PREX2: variants seen among roughly 807,000 people sequenced by gnomAD.
PREX2 encodes the protein phosphatidylinositol 3,4,5-trisphosphate-dependent Rac exchanger 2 protein.
In PREX2, 107 loss-of-function variants were observed where a neutral mutation model predicts 203.2. The observed-to-expected ratio is 0.53, with a 90% CI of 0.45 to 0.62. The LOEUF (loss-of-function observed/expected upper bound fraction) is 0.62. Ranked by LOEUF, PREX2 falls within the 20% of genes least tolerant of loss-of-function variation. PREX2 has a pLI of 0.00. For missense variants in PREX2, 1,777 were observed against 1,955.9 expected (o/e 0.91, Z 1.72); for synonymous variants, 672 against 663.6 (o/e 1.01, Z -0.19).
Position 68,204,744 on chromosome 8 carries a change from G to A in PREX2, c.4604+12219G>A, listed in dbSNP as rs571938284. On this transcript the variant is annotated intron_variant, in intron 37 of 39. Transcript: ENST00000288368. Reference sequence around the variant, plus strand: ...CTGTTGCCCAGGCTAGAGTGCAATGGCGTGATCTCGGCTCACTGCAAGCTC... The same window carrying A: ...CTGTTGCCCAGGCTAGAGTGCAATGACGTGATCTCGGCTCACTGCAAGCTC... Among the ~76,000 whole-genome samples the A allele has an allele frequency of 4.3e-5, 6 of 140,744 alleles. 1 individual carries two copies. In the South Asian group the frequency reaches 1.3e-3, roughly 32 times the overall value. The allele number at this position is 140,744 out of a possible 152,430, so 92.3% of individuals were successfully genotyped here.
intron 1 of PREX2, among the ~76,000 whole-genome samples, chr8:67,981,594 A>G (rs1050715372): frequency 2.0e-5 from 3 of 152,186 alleles, no homozygotes; most frequent in African/African-American, 7.2e-5. Context: ...TCTAAGTGAC[A>G]AGTTCGCTGT....
chr8:67,998,425 C>G (rs1196075478), intron 1 of PREX2, among the ~76,000 whole-genome samples: 1 of 152,174 alleles, frequency 6.6e-6, no homozygotes, highest in African/African-American at 2.4e-5. Flanking sequence ...TACATGTAAG[C>G]TTGGCTTATA....
chr8:68,136,573 T>A lies in PREX2; in HGVS notation c.3985-1842T>A, dbSNP rs1051876937. On this transcript the variant is annotated intron_variant, in intron 32 of 39. Coordinates refer to ENST00000288368, the MANE Select transcript of PREX2 (RefSeq NM_024870.4). ...CCACACTGTCTGGAACATTTCTTGC[T>A]TTGTGAATTTCTGTCTACCGGAAAA... Among the ~76,000 whole-genome samples, 4 of 152,350 alleles carry A rather than the reference T, an allele frequency of 2.6e-5. No homozygotes were observed. In the East Asian group the frequency reaches 5.8e-4, roughly 22 times the overall value.
chr8:68,193,740 G>C (rs1488637485), intron 37 of PREX2, among the ~76,000 whole-genome samples: 2 of 152,186 alleles, frequency 1.3e-5, no homozygotes, highest in Non-Finnish European at 2.9e-5. Flanking sequence ...TTAGATATGG[G>C]AACTCTTCAT....
intron 37 of PREX2, among the ~76,000 whole-genome samples, chr8:68,208,653 T>C (rs1173548551): frequency 6.6e-6 from 1 of 152,186 alleles, no homozygotes; most frequent in Non-Finnish European, 1.5e-5. Flanking sequence ...CAGAATCATT[T>C]ACATTCTTCC....
At chr8:68,142,039 C>T (rs1361373743) in intron 33 of PREX2, among the ~76,000 whole-genome samples, 1 of 152,132 alleles carries the variant, frequency 6.6e-6, no homozygotes, top group Non-Finnish European at 1.5e-5. Flanking sequence ...TTCCATACCC[C>T]TGTCCCTACA....
rs757509439 is a variant in PREX2 at position 68,097,019 on chromosome 8, G to A, written c.2371G>A (p.Val791Ile). The A allele has an allele frequency of 6.2e-7, 1 of 1,612,594 alleles. No individual in the cohort carries two copies. Residue 791 changes from valine to isoleucine, a missense_variant and splice_region_variant, in exon 22 of 40, where the codon GTT (valine) becomes ATT (isoleucine). Coordinates refer to ENST00000288368, the MANE Select transcript of PREX2 (RefSeq NM_024870.4). ...AGTTACAGTTGTCTTTGTTCCAGAG[G>A]TTATTGACAAATTCAACACTATGGC... ...GDAFDCKVEE[V>I]IDKFNTMAII...
At chr8:68,192,553 T>C (rs1812319830) in intron 37 of PREX2, 28 bp downstream of exon 37, 2 of 1,536,884 alleles carry the variant, frequency 1.3e-6, no homozygotes, top group Non-Finnish European at 1.8e-6. Context: ...CTTGCTTGCC[T>C]CTTTGTTAGA....
chr8:68,128,379 TCCC>T (rs1810937633), intron 31 of PREX2, among the ~76,000 whole-genome samples: 4 of 152,150 alleles, frequency 2.6e-5, no homozygotes, highest in African/African-American at 9.7e-5. Flanking sequence ...TTAAAAAAAT[TCCC>T]CAAACTTTCT....
rs1486793841 is a variant in PREX2 at position 68,208,699 on chromosome 8, T to G, written c.4605-8917T>G. 6.6e-5 allele frequency among the ~76,000 whole-genome samples: 10 copies of G among 152,328 alleles called. No homozygotes were observed. The South Asian group carries it at 1.9e-3, about 28-fold the overall frequency. On this transcript the variant is annotated intron_variant, in intron 37 of 39. Coordinates refer to ENST00000288368, the MANE Select transcript of PREX2 (RefSeq NM_024870.4). ...AATGTATCTTTAGTTCAAAGATTGC[T>G]GAAACTAATCTGCCTCAGGCTTTCC...
chr8:68,046,000 A>G (rs906602244), intron 8 of PREX2, among the ~76,000 whole-genome samples: 2 of 152,052 alleles, frequency 1.3e-5, no homozygotes, highest in South Asian at 4.1e-4. Flanking sequence ...CCCAACTTTG[A>G]ACCTGAGTTG....
At chr8:68,095,888 C>G (rs1178531465) in intron 21 of PREX2, among the ~76,000 whole-genome samples, 7 of 152,014 alleles carry the variant, frequency 4.6e-5, no homozygotes, top group Non-Finnish European at 1.0e-4. Flanking sequence ...AGTGATCCTC[C>G]CATTTGGCCT....
At chr8:68,005,049 G>A (rs1237937366) in intron 1 of PREX2, among the ~76,000 whole-genome samples, 1 of 152,176 alleles carries the variant, frequency 6.6e-6, no homozygotes, top group East Asian at 1.9e-4. Flanking sequence ...AATTGCTTTT[G>A]TGTTGATTGA....
chr8:68,162,054 T>C (rs559797021), intron 35 of PREX2, among the ~76,000 whole-genome samples: 1 of 152,180 alleles, frequency 6.6e-6, no homozygotes, highest in Non-Finnish European at 1.5e-5. Context: ...TTCAATATCA[T>C]GAGGACAGCA....
At chr8:68,047,830 T>C (rs1585736210) in intron 8 of PREX2, among the ~76,000 whole-genome samples, 2 of 151,968 alleles carry the variant, frequency 1.3e-5, no homozygotes, top group South Asian at 4.1e-4. Flanking sequence ...TTCATTGATA[T>C]AGCTCAAAAC....
rs1330189651 is a variant in PREX2, at chr8:68,234,378, A to T, written c.*3000A>T. ...AACTCCCACCGCCCCCCAACCTAAAAGGGAAGGTCATGCATAGAAAGTTTG... is the reference window on the plus strand; with the variant it reads ...AACTCCCACCGCCCCCCAACCTAAATGGGAAGGTCATGCATAGAAAGTTTG... On this transcript the variant is annotated 3_prime_UTR_variant, in exon 40 of 40. Transcript: ENST00000288368. The T allele has an allele frequency of 1.3e-5, 2 of 152,302 alleles. No homozygotes were observed. Among genetic ancestry groups the T allele is most frequent in the East Asian group, 1.9e-4 (1 of 5,190 alleles). 9.4% of individuals were successfully genotyped at this position (152,302 alleles called of 1,614,324 possible). A position where few individuals can be genotyped will look rare whatever the true frequency, so the allele number is the denominator to read the frequency against.
At chr8:68,140,580 C>T (rs1563562904) in intron 33 of PREX2, among the ~76,000 whole-genome samples, 1 of 152,090 alleles carries the variant, frequency 6.6e-6, no homozygotes, top group Non-Finnish European at 1.5e-5. Context: ...TGGCTGCATG[C>T]CTTTGAGGGA....
intron 8 of PREX2, among the ~76,000 whole-genome samples, chr8:68,048,365 A>G (rs748487910): frequency 3.9e-5 from 6 of 152,016 alleles, no homozygotes; most frequent in Admixed American, 1.3e-4. Flanking sequence ...GTTTATTTCT[A>G]TGGTAGGACA....
Position 68,231,480 on chromosome 8 carries a change from T to A in PREX2, c.*102T>A. 6 of 463,456 alleles carry A rather than the reference T, an allele frequency of 1.3e-5. No homozygotes were observed. The highest frequency in any genetic ancestry group is 1.5e-5 in the Non-Finnish European group (5 of 331,910). 28.7% of individuals were successfully genotyped at this position (463,456 alleles called of 1,614,324 possible). A position where few individuals can be genotyped will look rare whatever the true frequency, so the allele number is the denominator to read the frequency against. ...CTCCACTGAAGATACATCAATGCTT[T>A]TTTTTTTTTTTTTTTCTGTAAATCT... On this transcript the variant is annotated 3_prime_UTR_variant, in exon 40 of 40. Transcript: ENST00000288368.
Sources: gnomAD v4.1 joint callset for allele counts (sites outside exome capture counted in the v4.1 genomes callset) on GRCh38, gnomAD v4.1.1 for gene constraint, MANE v1.5 for transcripts, NCBI Gene and HGNC (gene_info 2026-07-23, HGNC 2026-07-21) for gene names.